PRKG1: variants seen among roughly 807,000 people sequenced by gnomAD.
PRKG1 encodes the protein cGMP-dependent protein kinase 1.
A neutral mutation model predicts 88.1 loss-of-function variants in PRKG1; 35 were observed. That is an observed-to-expected ratio of 0.40 (90% confidence interval 0.30 to 0.53). PRKG1 has a LOEUF of 0.53. PRKG1 is among the 20% of genes least tolerant of loss of function. The pLI is 0.59. For missense variants in PRKG1, 540 were observed against 839.8 expected (o/e 0.64, Z 4.41); for synonymous variants, 303 against 292.5 (o/e 1.04, Z -0.37).
chr10:51,900,025 C>T (rs1176877326), intron 4 of PRKG1, among the ~76,000 whole-genome samples: 1 of 152,106 alleles, frequency 6.6e-6, no homozygotes. Context: ...TTCCTGAGGC[C>T]TTCACTGAAA....
intron 2 of PRKG1, among the ~76,000 whole-genome samples, chr10:51,257,930 A>G (rs927750729): frequency 2.6e-5 from 4 of 152,188 alleles, no homozygotes; most frequent in African/African-American, 9.6e-5. Flanking sequence ...AGGAGTATGG[A>G]TGCTAGGCTG....
chr10:52,129,511 T>C (rs574576772), intron 7 of PRKG1, among the ~76,000 whole-genome samples: 1 of 152,330 alleles, frequency 6.6e-6, no homozygotes, highest in East Asian at 1.9e-4. Context: ...TAGTATTTTG[T>C]CTCTATCTCT....
chr10:51,826,489 C>A (rs1589325688), intron 4 of PRKG1, among the ~76,000 whole-genome samples: 1 of 152,226 alleles, frequency 6.6e-6, no homozygotes, highest in Middle Eastern at 3.4e-3. Context: ...TAAAAACTCT[C>A]AATTTGAGTA....
At chr10:51,243,222 C>T (rs1839200843) in intron 2 of PRKG1, among the ~76,000 whole-genome samples, 1 of 152,134 alleles carries the variant, frequency 6.6e-6, no homozygotes, top group Non-Finnish European at 1.5e-5. Flanking sequence ...ACACAGACAG[C>T]TGACTTAAGC....
intron 7 of PRKG1, among the ~76,000 whole-genome samples, chr10:52,095,374 T>G (rs1262634599): frequency 2.0e-5 from 3 of 152,202 alleles, no homozygotes; most frequent in African/African-American, 7.2e-5. Flanking sequence ...TCCCTAATTA[T>G]TTTATCCTGG....
intron 5 of PRKG1, among the ~76,000 whole-genome samples, chr10:51,982,521 A>T (rs921308302): frequency 3.3e-5 from 5 of 152,026 alleles, no homozygotes; most frequent in Non-Finnish European, 7.4e-5. Context: ...CGACTGTTTG[A>T]TGGTGCTATA....
chr10:52,209,256 A>G (rs1279510199), intron 9 of PRKG1, among the ~76,000 whole-genome samples: 2 of 152,168 alleles, frequency 1.3e-5, no homozygotes, highest in African/African-American at 2.4e-5. Context: ...ATATAAACAA[A>G]TGGAAATGGT....
At chr10:51,412,579 G>T (rs934314199) in intron 2 of PRKG1, among the ~76,000 whole-genome samples, 2 of 152,138 alleles carry the variant, frequency 1.3e-5, no homozygotes, top group African/African-American at 4.8e-5. Flanking sequence ...GGGAGGCGGA[G>T]GTTGCAGTGA....
chr10:50,994,291 A>G (rs755526179), intron 1 of PRKG1, among the ~76,000 whole-genome samples: 5 of 152,002 alleles, frequency 3.3e-5, no homozygotes, highest in Admixed American at 6.6e-5. Flanking sequence ...TTATTAAAGG[A>G]TTTCTGGGAT....
At chr10:52,106,751 G>A (rs1332074553) in intron 7 of PRKG1, among the ~76,000 whole-genome samples, 22 of 124,914 alleles carry the variant, frequency 1.8e-4, no homozygotes, top group African/African-American at 5.7e-4. Context: ...TAATAATAAA[G>A]TAAATAAATA....
At chr10:51,883,778 T>G (rs545457466) in intron 4 of PRKG1, among the ~76,000 whole-genome samples, 2 of 152,308 alleles carry the variant, frequency 1.3e-5, no homozygotes, top group African/African-American at 4.8e-5. Context: ...AAATGTACTT[T>G]AAAAATAATC....
chr10:51,960,497 C>T (rs181561025), intron 5 of PRKG1, among the ~76,000 whole-genome samples: 348 of 151,722 alleles, frequency 2.3e-3, no homozygotes, highest in African/African-American at 8.1e-3. Flanking sequence ...TTTCCTGCCC[C>T]CTCCCCACCA....
At position 52,153,027 on chromosome 10, in the gene PRKG1, C is replaced by G. The variant is rs575827518; in HGVS notation, c.1002-8862C>G. On this transcript the variant is annotated intron_variant, in intron 8 of 17. Transcript: ENST00000373980. ...GAACTCTGCAATATGCTCTGAAAAG[C>G]AACCACAAGGTATCAGATAGGATTC... Among the ~76,000 whole-genome samples, 11 of 152,238 alleles carry G rather than the reference C, an allele frequency of 7.2e-5. No individual in the cohort carries two copies. In the East Asian group the frequency reaches 2.1e-3, roughly 29 times the overall value.
intron 3 of PRKG1, among the ~76,000 whole-genome samples, chr10:51,470,577 C>A (rs1366971529): frequency 6.6e-6 from 1 of 151,746 alleles, no homozygotes; most frequent in Admixed American, 6.6e-5. Context: ...TAACTAAATC[C>A]TAGGTAGCAT....
chr10:51,345,176 A>T (rs1265302142), intron 2 of PRKG1, among the ~76,000 whole-genome samples: 2 of 152,192 alleles, frequency 1.3e-5, no homozygotes, highest in Non-Finnish European at 2.9e-5. Context: ...AATAAAAGAG[A>T]TATTAAATTA....
intron 10 of PRKG1, among the ~76,000 whole-genome samples, chr10:52,255,189 T>G (rs1244026553): frequency 6.6e-6 from 1 of 152,106 alleles, no homozygotes; most frequent in Non-Finnish European, 1.5e-5. Context: ...ATTAAAGCTC[T>G]AAGCACTGCT....
chr10:52,080,442 T>C (rs1442892413), intron 7 of PRKG1, among the ~76,000 whole-genome samples: 1 of 152,200 alleles, frequency 6.6e-6, no homozygotes, highest in East Asian at 1.9e-4. Flanking sequence ...TTGTTACATT[T>C]TTCAATGCAA....
chr10:51,346,698 C>T (rs549365535), intron 2 of PRKG1, among the ~76,000 whole-genome samples: 100 of 152,310 alleles, frequency 6.6e-4, no homozygotes, highest in Non-Finnish European at 9.8e-4. Context: ...ATCCAACTGA[C>T]ATTTCCTTCA....
chr10:51,597,885 A>T (rs570953881), intron 3 of PRKG1, among the ~76,000 whole-genome samples: 3 of 152,232 alleles, frequency 2.0e-5, no homozygotes, highest in Non-Finnish European at 2.9e-5. Context: ...TAAAAACCAG[A>T]TTCCTCCAAA....
Sources: allele counts gnomAD v4.1 joint callset (sites outside exome capture counted in the v4.1 genomes callset), GRCh38; gene constraint gnomAD v4.1.1; transcripts MANE v1.5; gene names NCBI Gene and HGNC (gene_info 2026-07-23, HGNC 2026-07-21).